The following TEX15 variants were observed in gnomAD, a reference collection of about 807,000 sequenced individuals.
The protein encoded by TEX15 is testis-expressed protein 15.
Under a neutral mutation model 237.3 loss-of-function variants are expected in TEX15, and 171 were observed. The observed-to-expected ratio is 0.72, with a 90% CI of 0.64 to 0.82. The LOEUF (loss-of-function observed/expected upper bound fraction) is 0.82, where lower values mean the gene tolerates loss of function less well. Among genes scored for constraint, TEX15 ranks in the 40% least tolerant of loss-of-function variants. The pLI is 0.00. For synonymous variants in TEX15, 1,338 were observed against 1,269.8 expected (o/e 1.05, Z -1.14); for missense variants, 3,750 against 3,646.5 (o/e 1.03, Z -0.73).
At chr8:30,875,571 C>G (rs1237223898) in intron 3 of TEX15, among the ~76,000 whole-genome samples, 2 of 152,204 alleles carry the variant, frequency 1.3e-5, no homozygotes, top group South Asian at 2.1e-4. Flanking sequence ...AAAGAGGAAA[C>G]AGACTTTCTT....
chr8:30,904,350 G>C (rs1000581029), intron 1 of TEX15, among the ~76,000 whole-genome samples: 2 of 151,706 alleles, frequency 1.3e-5, no homozygotes, highest in Non-Finnish European at 2.9e-5. Context: ...AGGAAGCTGA[G>C]GCAGGAGAAT....
intron 1 of TEX15, among the ~76,000 whole-genome samples, chr8:30,911,641 C>T (rs1408945870): frequency 3.9e-5 from 6 of 152,182 alleles, no homozygotes; most frequent in Non-Finnish European, 5.9e-5. Context: ...GCACTTAGAG[C>T]TCACCATTTT....
intron 1 of TEX15, among the ~76,000 whole-genome samples, chr8:30,912,327 G>GGCGGGGCCTCATGGAGGCCCCGCCC (rs1353761796): frequency 1.6e-3 from 1 of 614 alleles, no homozygotes; most frequent in Non-Finnish European, 2.8e-3. Flanking sequence ...TCCCGGGGCG[G>GGCGGGGCCTCATGGAGGCCCCGCCC]CGGGGCTCCC....
Position 30,846,197 on chromosome 8 carries a change from A to T in TEX15, c.3970T>A (p.Tyr1324Asn), listed in dbSNP as rs1441840857. The change falls in exon 8 of 11, where the codon TAT becomes AAT. Residue 1324 changes from tyrosine to asparagine, a missense_variant. Transcript: ENST00000643185. ...PHKDLRRHKI[Y>N]GRKRRLTSQD... is the part of the protein sequence containing the mutation. ...CTGGTTAGCCTCCTCTTTCTCCCAT[A>T]AATTTTATGTCGTCTTAAATCTTTA... 1 of 1,613,210 alleles carries T rather than the reference A, an allele frequency of 6.2e-7. No individual in the cohort carries two copies. Among genetic ancestry groups the T allele is most frequent in the South Asian group, 1.1e-5 (1 of 90,884 alleles).
Position 30,845,184 on chromosome 8 carries a change from A to G in TEX15, c.4983T>C (p.Phe1661=), listed in dbSNP as rs747522749. Residue 1661 remains phenylalanine, a synonymous_variant, in exon 8 of 11, where the codon TTT becomes TTC. Coordinates refer to ENST00000643185, the MANE Select transcript of TEX15 (RefSeq NM_001350162.2). ...ISVLDSNVKH[F]LNDLYQQGNL... ...TACCTTGTTGGTAGAGATCATTTAAAAAGTGCTTCACATTTGAATCTAAGA... is the reference window on the plus strand; with the variant it reads ...TACCTTGTTGGTAGAGATCATTTAAGAAGTGCTTCACATTTGAATCTAAGA... 2 of 1,613,582 alleles carry G rather than the reference A, an allele frequency of 1.2e-6. No individual in the cohort carries two copies. The highest frequency in any genetic ancestry group is 3.3e-5 in the Admixed American group (2 of 59,980).
In TEX15 at chr8:30,839,870, A is replaced by AT. The variant is rs751237680; in HGVS notation, c.8222+35dup. The AT allele has an allele frequency of 4.5e-5, 67 of 1,504,820 alleles. 1 individual carries two copies. Among genetic ancestry groups the AT allele is most frequent in the Middle Eastern group, 1.7e-4 (1 of 5,764 alleles). 93.2% of individuals were successfully genotyped at this position (1,504,820 alleles called of 1,614,324 possible). A position where few individuals can be genotyped will look rare whatever the true frequency, so the allele number is the denominator to read the frequency against. On this transcript the variant is annotated intron_variant, in intron 9 of 10. Coordinates refer to ENST00000643185, the MANE Select transcript of TEX15 (RefSeq NM_001350162.2). ...TTTAGTATTTGCCCAATTTTGTTCAATTTTTTTTCCACATAGGGCTGATGG... is the reference window on the plus strand; with the variant it reads ...TTTAGTATTTGCCCAATTTTGTTCAATTTTTTTTTCCACATAGGGCTGATGG...
chr8:30,854,817 C>A (rs956295738), intron 7 of TEX15, among the ~76,000 whole-genome samples: 1 of 152,006 alleles, frequency 6.6e-6, no homozygotes, highest in Middle Eastern at 3.4e-3. Context: ...CCAAGGAATG[C>A]GATGTTAACA....
At chr8:30,881,886 G>T (rs1244466607) in intron 3 of TEX15, among the ~76,000 whole-genome samples, 1 of 151,904 alleles carries the variant, frequency 6.6e-6, no homozygotes, top group African/African-American at 2.4e-5. Flanking sequence ...GCCTCCCAAA[G>T]TGCTAGGATT....
intron 7 of TEX15, among the ~76,000 whole-genome samples, chr8:30,855,984 C>G (rs1008620256): frequency 7.9e-5 from 12 of 151,992 alleles, no homozygotes; most frequent in African/African-American, 2.9e-4. Flanking sequence ...TTTGCTCTTT[C>G]ACCCAGGCTG....
At chr8:30,901,623 G>A (rs894419391) in intron 1 of TEX15, among the ~76,000 whole-genome samples, 1 of 152,156 alleles carries the variant, frequency 6.6e-6, no homozygotes, top group Non-Finnish European at 1.5e-5. Flanking sequence ...ACGTATGTTT[G>A]AGTATATAAT....
chr8:30,842,854 T>G lies in TEX15; in HGVS notation c.7313A>C (p.Lys2438Thr). The change falls in exon 8 of 11, where the codon AAG (lysine) becomes ACG (threonine). Residue 2438 changes from lysine to threonine, a missense_variant. Lys to Thr is a moderately conservative substitution (Grantham distance 78, BLOSUM62 -1). Coordinates refer to ENST00000643185, the MANE Select transcript of TEX15 (RefSeq NM_001350162.2). ...AATATACATTTCAATAGCTTCAGGC[T>G]TTAAAATGATAGCCTCATGGCTGTG... ...INHSHEAIIL[K>T]PEAIEMYIEI... The G allele has an allele frequency of 6.2e-7, 1 of 1,612,288 alleles. No individual in the cohort carries two copies. The highest frequency in any genetic ancestry group is 8.5e-7 in the Non-Finnish European group (1 of 1,178,910).
chr8:30,882,241 C>T (rs1281923821), intron 3 of TEX15, among the ~76,000 whole-genome samples: 1 of 152,142 alleles, frequency 6.6e-6, no homozygotes, highest in Non-Finnish European at 1.5e-5. Flanking sequence ...TGGAGATTTA[C>T]TTTTCTGTTT....
At chr8:30,895,856 A>G (rs1808895499) in intron 2 of TEX15, among the ~76,000 whole-genome samples, 1 of 151,118 alleles carries the variant, frequency 6.6e-6, no homozygotes. Context: ...AATTTTTTGT[A>G]TTTTAGTAGA....
chr8:30,847,125 T>C lies in TEX15; in HGVS notation c.3042A>G (p.Glu1014=). ...TTACTAACAAACCAAAATCTGGACTTTCAGAAGAACAAGTTTCTTTAAACT... is the reference window on the plus strand; with the variant it reads ...TTACTAACAAACCAAAATCTGGACTCTCAGAAGAACAAGTTTCTTTAAACT... ...IYQFKETCSS[E]SPDFGLLVKH... The change falls in exon 8 of 11, where the codon GAA becomes GAG. Residue 1014 remains glutamate, a synonymous_variant. Transcript: ENST00000643185. 6.2e-7 allele frequency: 1 copy of C among 1,613,786 alleles called. No individual in the cohort carries two copies. The highest frequency in any genetic ancestry group is 1.1e-5 in the South Asian group (1 of 91,052).
intron 4 of TEX15, among the ~76,000 whole-genome samples, chr8:30,872,334 G>A (rs1032535091): frequency 1.3e-5 from 2 of 152,072 alleles, no homozygotes; most frequent in Admixed American, 6.6e-5. Context: ...GTCTCACAGT[G>A]TCATAGCATA....
intron 1 of TEX15, among the ~76,000 whole-genome samples, chr8:30,909,394 A>ACCCCCCCCCCCCCCCC (rs35046956): frequency 1.3e-4 from 15 of 118,340 alleles, no homozygotes; most frequent in Admixed American, 1.8e-4. Context: ...TTAAAGACAG[A>ACCCCCCCCCCCCCCCC]CCCCCCCCCG....
rs1212975785 is a variant in TEX15, at chr8:30,846,716, T to C, written c.3451A>G (p.Ile1151Val). ...TTAATTTGTAGATCTGGAAGTAAAATTGGGCTGGTAAGTTCTGTTTCATTG... is the reference window on the plus strand; with the variant it reads ...TTAATTTGTAGATCTGGAAGTAAAACTGGGCTGGTAAGTTCTGTTTCATTG... Reference protein sequence around the residue: ...QNNETELTSPILLPDLQIKIT... With the variant: ...QNNETELTSPVLLPDLQIKIT... The change falls in exon 8 of 11, where the codon ATT (isoleucine) becomes GTT (valine). Residue 1151 changes from isoleucine to valine, a missense_variant. Physicochemically the swap from Ile to Val is conservative, Grantham distance 29. Transcript: ENST00000643185. The C allele has an allele frequency of 2.5e-6, 4 of 1,613,478 alleles. No individual in the cohort carries two copies. The highest frequency in any genetic ancestry group is 1.7e-5 in the Admixed American group (1 of 59,928).
chr8:30,897,081 T>G (rs1259847719), intron 2 of TEX15, among the ~76,000 whole-genome samples: 1 of 152,146 alleles, frequency 6.6e-6, no homozygotes. Flanking sequence ...CTTTACAAAA[T>G]CGGGTTGAAA....
In TEX15 at chr8:30,867,260, C is replaced by A. The variant is rs766713294; in HGVS notation, c.540+5G>T. On this transcript the variant is annotated splice_donor_5th_base_variant and intron_variant, in intron 5 of 10. Coordinates refer to ENST00000643185, the MANE Select transcript of TEX15 (RefSeq NM_001350162.2). ...TATACTTAATATTTGTTTTATGATA[C>A]CTACCTTAAAAATTAAAATACTTTC... 3.2e-5 allele frequency: 44 copies of A among 1,363,866 alleles called. No homozygotes were observed. Among genetic ancestry groups the A allele is most frequent in the Admixed American group, 5.9e-5 (3 of 50,464 alleles). The allele number at this position is 1,363,866 out of a possible 1,614,324, so 84.5% of individuals were successfully genotyped here.
Sources: allele counts gnomAD v4.1 joint callset (sites outside exome capture counted in the v4.1 genomes callset), GRCh38; gene constraint gnomAD v4.1.1; transcripts MANE v1.5; gene names NCBI Gene and HGNC (gene_info 2026-07-23, HGNC 2026-07-21).